PAPPA2: variants seen among roughly 807,000 people sequenced by gnomAD.
PAPPA2 encodes pappalysin 2, also known as pappalysin-2.
PAPPA2 carries 86 observed loss-of-function variants against 176.4 expected under a neutral mutation model. That is an observed-to-expected ratio of 0.49 (90% CI 0.41 to 0.58). The LOEUF (loss-of-function observed/expected upper bound fraction) is 0.58, where lower values mean the gene tolerates loss of function less well. Among genes scored for constraint, PAPPA2 ranks in the 20% least tolerant of loss-of-function variants. The pLI, the probability that PAPPA2 is intolerant of heterozygous loss-of-function variation, is 0.00. For synonymous variants in PAPPA2, 809 were observed against 852.2 expected, an observed-to-expected ratio of 0.95 and a Z score of 0.88; for missense variants, 2,073 against 2,256.9, an observed-to-expected ratio of 0.92 and a Z score of 1.65.
chr1:176,464,075 G>T (rs1456530970), intron 1 of PAPPA2, among the ~76,000 whole-genome samples: 1 of 152,160 alleles, frequency 6.6e-6, no homozygotes, highest in Non-Finnish European at 1.5e-5. Context: ...TGATCATGTT[G>T]TCCAGATCAA....
intron 21 of PAPPA2, among the ~76,000 whole-genome samples, chr1:176,807,146 G>A (rs11578976): frequency 0.12 from 18,612 of 152,218 alleles, 1,502 homozygotes; most frequent in Middle Eastern, 0.23. Context: ...AATTGAGTAT[G>A]TGATAAAGGT....
rs746527993 is a variant in PAPPA2, at chr1:176,670,940, T to G, written c.1992-30T>G. On this transcript the variant is annotated intron_variant, in intron 3 of 22. Coordinates refer to ENST00000367662, the MANE Select transcript of PAPPA2 (RefSeq NM_020318.3). ...TTCTCTAAGTACCAATTCTTTGCTG[T>G]GACATTTTTTCATCTTGCATGCTCT... 3.1e-6 allele frequency: 5 copies of G among 1,612,448 alleles called. No individual in the cohort carries two copies. The South Asian group carries it at 4.4e-5, about 14-fold the overall frequency.
intron 1 of PAPPA2, among the ~76,000 whole-genome samples, chr1:176,529,044 T>C (rs1649646778): frequency 6.6e-6 from 1 of 152,182 alleles, no homozygotes; most frequent in East Asian, 1.9e-4. Context: ...GCATTTTATT[T>C]TGTAGCCTCC....
At chr1:176,493,620 G>C (rs999832866) in intron 1 of PAPPA2, among the ~76,000 whole-genome samples, 6 of 152,182 alleles carry the variant, frequency 3.9e-5, no homozygotes, top group Admixed American at 1.3e-4. Context: ...ACCACAAAGA[G>C]AGTGAGAGGA....
intron 2 of PAPPA2, among the ~76,000 whole-genome samples, chr1:176,557,903 G>C (rs991328552): frequency 1.3e-5 from 2 of 152,214 alleles, no homozygotes; most frequent in African/African-American, 2.4e-5. Flanking sequence ...TGCTGTTGTT[G>C]TAAGAAGGAC....
intron 1 of PAPPA2, among the ~76,000 whole-genome samples, chr1:176,466,898 G>T (rs772889485): frequency 6.6e-6 from 1 of 152,160 alleles, no homozygotes; most frequent in East Asian, 1.9e-4. Context: ...CTGGTGTTAG[G>T]CTCACCTGTT....
At chr1:176,762,284 A>C (rs1022586982) in intron 14 of PAPPA2, among the ~76,000 whole-genome samples, 5 of 145,206 alleles carry the variant, frequency 3.4e-5, no homozygotes, top group African/African-American at 1.0e-4. Context: ...GTCTTATTTC[A>C]TGCCACTTTT....
intron 1 of PAPPA2, among the ~76,000 whole-genome samples, chr1:176,484,885 T>C (rs1652576921): frequency 6.6e-6 from 1 of 152,252 alleles, no homozygotes; most frequent in Admixed American, 6.5e-5. Context: ...GACTGTGCTT[T>C]TTGAGTTTTC....
At chr1:176,603,293 C>T (rs546438345) in intron 3 of PAPPA2, among the ~76,000 whole-genome samples, 2 of 152,380 alleles carry the variant, frequency 1.3e-5, no homozygotes, top group African/African-American at 4.8e-5. Flanking sequence ...TGAAAGACAG[C>T]TGCACACTTA....
intron 2 of PAPPA2, among the ~76,000 whole-genome samples, chr1:176,574,417 A>G (rs2102618272): frequency 6.6e-6 from 1 of 152,264 alleles, no homozygotes; most frequent in Middle Eastern, 3.4e-3. Flanking sequence ...AGTTTGGTTT[A>G]TCTAGTAATT....
intron 3 of PAPPA2, among the ~76,000 whole-genome samples, chr1:176,634,797 G>GAT (rs1260406450): frequency 4.0e-3 from 270 of 68,316 alleles, no homozygotes; most frequent in South Asian, 0.01. Flanking sequence ...TTTCCAAGGA[G>GAT]AGAGATAGAT....
intron 3 of PAPPA2, among the ~76,000 whole-genome samples, chr1:176,629,360 A>G (rs60503309): frequency 0.065 from 9,932 of 152,296 alleles, 363 homozygotes; most frequent in South Asian, 0.14. Context: ...GATGATGGAA[A>G]ATTTGGTATT....
chr1:176,598,330 C>G (rs948508142), intron 3 of PAPPA2, among the ~76,000 whole-genome samples: 1 of 151,906 alleles, frequency 6.6e-6, no homozygotes, highest in African/African-American at 2.4e-5. Flanking sequence ...CTTGGTTCAT[C>G]AATTTTAAAC....
At chr1:176,521,100 AAGAGAGACAGAGACAG>A (rs1030680541) in intron 1 of PAPPA2, among the ~76,000 whole-genome samples, 7 of 142,194 alleles carry the variant, frequency 4.9e-5, no homozygotes, top group Admixed American at 1.4e-4. Context: ...GTGTGTCAGA[AAGAGAGACAGAGACAG>A]AGAGAGAGAG....
At chr1:176,697,645 A>G (rs1660448713) in intron 7 of PAPPA2, among the ~76,000 whole-genome samples, 1 of 152,188 alleles carries the variant, frequency 6.6e-6, no homozygotes, top group African/African-American at 2.4e-5. Flanking sequence ...CATCATCTTC[A>G]TGGTGAGAAT....
chr1:176,777,287 A>C (rs778970496), intron 17 of PAPPA2, among the ~76,000 whole-genome samples: 4 of 152,180 alleles, frequency 2.6e-5, no homozygotes, highest in Non-Finnish European at 4.4e-5. Flanking sequence ...GACTTAGTAG[A>C]CAGTATTTAG....
intron 21 of PAPPA2, among the ~76,000 whole-genome samples, chr1:176,827,051 C>T (rs907233600): frequency 2.0e-5 from 3 of 152,194 alleles, no homozygotes; most frequent in African/African-American, 7.2e-5. Context: ...GGTCTTCTGC[C>T]CATATATGAC....
At chr1:176,581,496 A>T (rs1652956133) in intron 2 of PAPPA2, among the ~76,000 whole-genome samples, 2 of 152,264 alleles carry the variant, frequency 1.3e-5, no homozygotes, top group South Asian at 4.1e-4. Context: ...TATTTTTATG[A>T]AGAATGTCAT....
intron 12 of PAPPA2, among the ~76,000 whole-genome samples, chr1:176,718,770 T>C (rs1661487919): frequency 6.6e-6 from 1 of 151,962 alleles, no homozygotes; most frequent in Non-Finnish European, 1.5e-5. Context: ...TTTCAATTCT[T>C]TGAAATTTGT....
Sources: allele counts gnomAD v4.1 joint callset (sites outside exome capture counted in the v4.1 genomes callset), GRCh38; gene constraint gnomAD v4.1.1; transcripts MANE v1.5; gene names NCBI Gene and HGNC (gene_info 2026-07-23, HGNC 2026-07-21).